CNBD2: variants seen among roughly 807,000 people sequenced by gnomAD.
CNBD2 encodes cyclic nucleotide binding domain containing 2, also known as cyclic nucleotide-binding domain-containing protein 2.
CNBD2 carries 64 observed loss-of-function variants against 63.7 expected under a neutral mutation model. The ratio of observed to expected loss-of-function variants is 1.00; its 90% CI spans 0.82 to 1.24. The LOEUF (loss-of-function observed/expected upper bound fraction) is 1.24, where lower values mean the gene tolerates loss of function less well. Ranked by LOEUF, CNBD2 falls within the 50% of genes most tolerant of loss-of-function variation. CNBD2 has a pLI of 0.00. For synonymous variants in CNBD2, 229 were observed against 255.4 expected (o/e 0.90, Z 0.99); for missense variants, 691 against 713.5 (o/e 0.97, Z 0.36).
chr20:36,029,963 T>C (rs925601535), intron 11 of CNBD2, among the ~76,000 whole-genome samples: 1 of 152,240 alleles, frequency 6.6e-6, no homozygotes, highest in African/African-American at 2.4e-5. Context: ...CTGCCTGTGC[T>C]GGACATCTCA....
At chr20:35,971,924 C>G (rs1435851434) in intron 1 of CNBD2, among the ~76,000 whole-genome samples, 1 of 152,118 alleles carries the variant, frequency 6.6e-6, no homozygotes, top group Non-Finnish European at 1.5e-5. Context: ...TTCACTTGTT[C>G]TCAGTCTAAT....
At chr20:35,965,941 G>A (rs984595313), upstream of CNBD2, among the ~76,000 whole-genome samples, 1 of 152,110 alleles carries the variant, frequency 6.6e-6, no homozygotes, top group Admixed American at 6.6e-5. Context: ...GTCTCATCAG[G>A]TCGTACTGGC....
intron 11 of CNBD2, among the ~76,000 whole-genome samples, chr20:36,027,853 A>G (rs1385451890): frequency 6.6e-6 from 1 of 152,002 alleles, no homozygotes; most frequent in Non-Finnish European, 1.5e-5. Flanking sequence ...TTTAGTAGAG[A>G]TGGGGTTTCA....
In CNBD2 at chr20:35,987,549, G is replaced by C. The variant is rs749344185; in HGVS notation, c.855+16G>C. 3.7e-6 allele frequency: 6 copies of C among 1,613,940 alleles called. No homozygotes were observed. In the South Asian group the frequency reaches 6.6e-5, roughly 18 times the overall value. On this transcript the variant is annotated intron_variant, in intron 7 of 11. Coordinates refer to ENST00000373973, the MANE Select transcript of CNBD2 (RefSeq NM_001365709.1). ...TATCAGCAAGGTGAAAAGTCTGGGGGTTGGGATGAGGGTGAACCTCTGAGG... is the reference window on the plus strand; with the variant it reads ...TATCAGCAAGGTGAAAAGTCTGGGGCTTGGGATGAGGGTGAACCTCTGAGG...
chr20:35,980,518 G>A lies in CNBD2; in HGVS notation c.303G>A (p.Glu101=). 6.2e-7 allele frequency: 1 copy of A among 1,614,176 alleles called. No homozygotes were observed. Among genetic ancestry groups the A allele is most frequent in the Non-Finnish European group, 8.5e-7 (1 of 1,180,004 alleles). Residue 101 remains glutamate (E), a synonymous_variant, in exon 4 of 12, where the codon GAG becomes GAA. Coordinates refer to ENST00000373973, the MANE Select transcript of CNBD2 (RefSeq NM_001365709.1). ...AGAAGAAGCCTTCCTGGAGAACAGA[G>A]GATGAGATCCAGGCCGTCTGTAACA... ...IMQKKPSWRT[E]DEIQAVCNIL...
At chr20:35,954,910 A>T (rs1487268890) in exon 1 of CNBD2, 1 of 250,510 alleles carries the variant, frequency 4.0e-6, no homozygotes, top group East Asian at 1.3e-4. Context: ...GACGGCGACC[A>T]TTCTCTCGGG....
Position 36,008,300 on chromosome 20 carries a change from A to G in CNBD2, c.974A>G (p.Tyr325Cys). 1 of 1,606,598 alleles carries G rather than the reference A, an allele frequency of 6.2e-7. No individual in the cohort carries two copies. The highest frequency in any genetic ancestry group is 8.5e-7 in the Non-Finnish European group (1 of 1,177,402). Residue 325 changes from tyrosine (Y) to cysteine (C), a missense_variant, in exon 9 of 12, where the codon TAC (tyrosine) becomes TGC (cysteine). By Grantham distance (194) the Tyr-to-Cys change is radical. Coordinates refer to ENST00000373973, the MANE Select transcript of CNBD2 (RefSeq NM_001365709.1). ...GRPLKTHLSE[Y>C]SPMERFKEFQ... ...TTTCCTGTGCTTTCTCTAACAGAATACTCTCCTATGGAAAGATTTAAGGAA... is the reference window on the plus strand; with the variant it reads ...TTTCCTGTGCTTTCTCTAACAGAATGCTCTCCTATGGAAAGATTTAAGGAA...
Position 35,991,885 on chromosome 20 carries a change from AT to A in CNBD2, c.856-3141del, listed in dbSNP as rs201929178. On this transcript the variant is annotated intron_variant, in intron 7 of 11. Transcript: ENST00000373973. ...TTGGGAACTCATTTCTTCTTCTTTT[AT>A]TTTTTTTTTTTGAGATGGAGTTTCA... 3.0e-3 allele frequency among the ~76,000 whole-genome samples: 437 copies of A among 145,000 alleles called. 1 individual carries two copies. The highest frequency in any genetic ancestry group is 7.0e-3 in the Middle Eastern group (2 of 284).
intron 11 of CNBD2, among the ~76,000 whole-genome samples, chr20:36,025,458 C>T (rs2057271983): frequency 2.0e-5 from 3 of 152,294 alleles, no homozygotes; most frequent in African/African-American, 4.8e-5. Flanking sequence ...CCTCAGTCTC[C>T]TGAGTAGCTG....
chr20:36,018,986 A>G (rs1464400743), intron 10 of CNBD2, among the ~76,000 whole-genome samples: 1 of 152,216 alleles, frequency 6.6e-6, no homozygotes, highest in Non-Finnish European at 1.5e-5. Flanking sequence ...AGCACCTACC[A>G]TGCTCCAAGC....
rs73095588 is a variant in CNBD2 at position 35,987,217 on chromosome 20, C to T, written c.717-178C>T. On this transcript the variant is annotated intron_variant, in intron 6 of 11. Coordinates refer to ENST00000373973, the MANE Select transcript of CNBD2 (RefSeq NM_001365709.1). ...GGCCTTGGGAAAAGGAGGAGGGAGC[C>T]AAGGTGATAGCAGGTAGGAGAATGG... is the stretch of plus-strand genomic sequence containing the variant. Among the ~76,000 whole-genome samples, 1,115 of 152,206 alleles carry T rather than the reference C, an allele frequency of 7.3e-3. 9 individuals carry two copies. The highest frequency in any genetic ancestry group is 0.011 in the Non-Finnish European group (759 of 68,010).
At chr20:36,001,768 G>T (rs2056911398) in intron 8 of CNBD2, among the ~76,000 whole-genome samples, 1 of 150,842 alleles carries the variant, frequency 6.6e-6, no homozygotes, top group South Asian at 2.1e-4. Context: ...GGGGTGGCGG[G>T]GCAGAGGCGC....
chr20:35,995,157 G>GC lies in CNBD2; in HGVS notation c.970+6dup, dbSNP rs746920734. The GC allele has an allele frequency of 6.2e-7, 1 of 1,606,006 alleles. No homozygotes were observed. The highest frequency in any genetic ancestry group is 1.3e-5 in the African/African-American group (1 of 74,090). ...CTCTGAAGACCCACCTGAGTGGTAA[G>GC]CTGCCTTGGCCTGTCTGACAGCAGG... is the stretch of plus-strand genomic sequence containing the variant. On this transcript the variant is annotated splice_donor_region_variant and intron_variant, in intron 8 of 11. Transcript: ENST00000373973.
chr20:36,010,190 C>T (rs1242113135), intron 9 of CNBD2, among the ~76,000 whole-genome samples: 1 of 152,108 alleles, frequency 6.6e-6, no homozygotes, highest in African/African-American at 2.4e-5. Context: ...ACAGCCCCCT[C>T]CCCCTGCTAC....
intron 7 of CNBD2, among the ~76,000 whole-genome samples, chr20:35,988,597 G>A (rs73902951): frequency 0.036 from 5,471 of 152,284 alleles, 348 homozygotes; most frequent in African/African-American, 0.13. Context: ...TTGGTATCAT[G>A]ATTTTGTTTT....
intron 7 of CNBD2, among the ~76,000 whole-genome samples, chr20:35,990,357 G>A (rs909261265): frequency 6.6e-6 from 1 of 152,200 alleles, no homozygotes; most frequent in Non-Finnish European, 1.5e-5. Context: ...TGCTCCGGGC[G>A]CCGTGGCTCA....
intron 11 of CNBD2, among the ~76,000 whole-genome samples, chr20:36,026,901 C>T (rs2057288818): frequency 6.6e-6 from 1 of 152,208 alleles, no homozygotes. Flanking sequence ...TTAAGTGCTT[C>T]AGGAAGGCAA....
At chr20:35,996,278 C>T (rs2056823279) in intron 8 of CNBD2, among the ~76,000 whole-genome samples, 2 of 152,162 alleles carry the variant, frequency 1.3e-5, no homozygotes. Flanking sequence ...TGGCATCTAG[C>T]AGGTGCTCAG....
chr20:36,028,424 G>T (rs1412355139), intron 11 of CNBD2, among the ~76,000 whole-genome samples: 1 of 152,048 alleles, frequency 6.6e-6, no homozygotes, highest in Non-Finnish European at 1.5e-5. Flanking sequence ...AATCCCTCAC[G>T]TTTTAACCGA....
Sources: allele counts gnomAD v4.1 joint callset (sites outside exome capture counted in the v4.1 genomes callset), GRCh38; gene constraint gnomAD v4.1.1; transcripts MANE v1.5; gene names NCBI Gene and HGNC (gene_info 2026-07-23, HGNC 2026-07-21).